Variants in SYTL2 observed in about 807,000 individuals in gnomAD.
SYTL2 encodes the protein synaptotagmin like 2, also known as synaptotagmin-like protein 2.
Under a neutral mutation model 198.7 loss-of-function variants are expected in SYTL2, and 165 were observed. The ratio of observed to expected loss-of-function variants is 0.83; its 90% CI spans 0.73 to 0.94. The LOEUF (loss-of-function observed/expected upper bound fraction) is 0.94. Ranked by LOEUF, SYTL2 falls within the 40% of genes least tolerant of loss-of-function variation. SYTL2 has a pLI of 0.00. For missense variants in SYTL2, 2,835 were observed against 2,582.8 expected (o/e 1.10, Z -2.12); for synonymous variants, 966 against 917.7 (o/e 1.05, Z -0.95).
intron 4 of SYTL2, among the ~76,000 whole-genome samples, chr11:85,739,843 T>A (rs1478349402): frequency 6.6e-6 from 1 of 152,196 alleles, no homozygotes; most frequent in Admixed American, 6.5e-5. Flanking sequence ...GGCTAGGCTA[T>A]ACTGCCTCTG....
chr11:85,745,802 G>T (rs2091117616), intron 3 of SYTL2, 30 bp from the exon 4 acceptor site: 2 of 1,591,536 alleles, frequency 1.3e-6, no homozygotes, highest in Non-Finnish European at 1.7e-6. Flanking sequence ...AGACAGGAAG[G>T]TTATCTCTCA....
intron 15 of SYTL2, among the ~76,000 whole-genome samples, chr11:85,705,672 A>C (rs1436119288): frequency 6.6e-6 from 1 of 152,232 alleles, no homozygotes; most frequent in Non-Finnish European, 1.5e-5. Flanking sequence ...ATAATCATGG[A>C]AAGGACAATA....
At position 85,726,057 on chromosome 11, in the gene SYTL2, G is replaced by T; in HGVS notation, c.3301C>A (p.Pro1101Thr). 3 of 1,613,020 alleles carry T rather than the reference G, an allele frequency of 1.9e-6. No homozygotes were observed. The highest frequency in any genetic ancestry group is 1.3e-5 in the African/African-American group (1 of 74,970). ...VEKNTEGIVT[P>T]VFKEEKDYSE... is the part of the protein sequence containing the mutation. ...TAATCCTTTTCTTCCTTAAACACTG[G>T]AGTAACAATCCCTTCCGTATTCTTT... is the stretch of plus-strand genomic sequence containing the variant. Residue 1101 changes from proline to threonine, a missense_variant, in exon 8 of 20, where the codon CCA becomes ACA. Pro to Thr is a conservative substitution (Grantham distance 38, BLOSUM62 -1). Transcript: ENST00000359152.
At position 85,724,114 on chromosome 11, in the gene SYTL2, C is replaced by T. The variant is rs146091453; in HGVS notation, c.5244G>A (p.Glu1748=). The change falls in exon 8 of 20, where the codon GAG becomes GAA. Residue 1748 remains glutamate, a synonymous_variant. Transcript: ENST00000359152. Reference sequence around the variant, plus strand: ...ACTCAGAGAAACCTTCTTTTTCTTCCTCTTTCTCTTGTTTCATATATGGCG... The same window carrying T: ...ACTCAGAGAAACCTTCTTTTTCTTCTTCTTTCTCTTGTTTCATATATGGCG... ...LASPYMKQEK[E]EEKEGFSESD... 2.9e-5 allele frequency: 46 copies of T among 1,584,678 alleles called. No homozygotes were observed. The African/African-American group carries it at 5.5e-4, about 19-fold the overall frequency.
rs980294895 is a variant in SYTL2 at position 85,718,729 on chromosome 11, T to C, written c.5482+61A>G. 19 of 1,532,090 alleles carry C rather than the reference T, an allele frequency of 1.2e-5. 1 individual carries two copies. In the South Asian group the frequency reaches 2.0e-4, roughly 16 times the overall value. 94.9% of individuals were successfully genotyped at this position (1,532,090 alleles called of 1,614,324 possible). Reference sequence around the variant, plus strand: ...TACCCAACAGCTGCGTCCCGGAGACTGCCCAAATCACCCCAGAAGTTAATA... The same window carrying C: ...TACCCAACAGCTGCGTCCCGGAGACCGCCCAAATCACCCCAGAAGTTAATA... On this transcript the variant is annotated intron_variant, in intron 10 of 19. Transcript: ENST00000359152.
intron 5 of SYTL2, 30 bp from the exon 6 acceptor site, chr11:85,736,645 T>C (rs1326469392): frequency 1.6e-6 from 2 of 1,244,608 alleles, no homozygotes; most frequent in East Asian, 2.3e-5. Context: ...ATTAAACTTA[T>C]TTTAAATGTC....
chr11:85,841,036 A>ACAC, the SYTL2 span, among the ~76,000 whole-genome samples: 1 of 152,216 alleles, frequency 6.6e-6, no homozygotes, highest in African/African-American at 2.4e-5. Flanking sequence ...ATATGAACAG[A>ACAC]CACTTCTCAA....
intron 1 of SYTL2, among the ~76,000 whole-genome samples, chr11:85,783,324 T>TTC (rs1173642463): frequency 6.6e-6 from 1 of 152,050 alleles, no homozygotes; most frequent in African/African-American, 2.4e-5. Flanking sequence ...ATCACTAGAA[T>TTC]AGCAGCATAG....
At chr11:85,850,807 A>C in the SYTL2 span, among the ~76,000 whole-genome samples, 9 of 150,642 alleles carry the variant, frequency 6.0e-5, no homozygotes, top group African/African-American at 2.2e-4. Context: ...CTGGATTAAG[A>C]AAATGTGGCA....
chr11:85,769,524 C>A (rs1023925871), intron 1 of SYTL2, among the ~76,000 whole-genome samples: 4 of 152,228 alleles, frequency 2.6e-5, no homozygotes, highest in Non-Finnish European at 2.9e-5. Context: ...AGATCCATTT[C>A]AGACTTCTGA....
chr11:85,729,275 A>G (rs1489040699), intron 7 of SYTL2, among the ~76,000 whole-genome samples: 1 of 152,232 alleles, frequency 6.6e-6, no homozygotes, highest in Non-Finnish European at 1.5e-5. Context: ...ACCCCAAATC[A>G]ACAGAATACA....
At chr11:85,771,897 T>C (rs1201312331) in intron 1 of SYTL2, among the ~76,000 whole-genome samples, 1 of 149,902 alleles carries the variant, frequency 6.7e-6, no homozygotes, top group African/African-American at 2.5e-5. Flanking sequence ...TATATAATTA[T>C]AGTTATATAT....
chr11:85,727,057 C>A lies in SYTL2; in HGVS notation c.2301G>T (p.Lys767Asn). The change falls in exon 8 of 20, where the codon AAG becomes AAT. Residue 767 changes from lysine to asparagine, a missense_variant. Around this residue, in one of 3 missense-constraint regions of SYTL2, gnomAD observed 2,645 missense variants for 2,381.7 expected, o/e 1.11. Transcript: ENST00000359152. ...CTTCTTGCTGGAATTGGACCTCAGG[C>A]TTCTTCCAAGGAGAGCCATTGTTGG... The part of the protein sequence containing the change: ...GVANNGSPWK[K>N]PEVQFQQEAG... The A allele has an allele frequency of 6.5e-7, 1 of 1,536,262 alleles. No individual in the cohort carries two copies. Among genetic ancestry groups the A allele is most frequent in the Non-Finnish European group, 8.7e-7 (1 of 1,146,914 alleles).
chr11:85,744,391 G>A (rs2091008931), intron 4 of SYTL2, among the ~76,000 whole-genome samples: 1 of 152,142 alleles, frequency 6.6e-6, no homozygotes, highest in Non-Finnish European at 1.5e-5. Flanking sequence ...CTATTAAGGT[G>A]TTTTATCCCC....
At chr11:85,816,366 T>C in the SYTL2 span, among the ~76,000 whole-genome samples, 1 of 152,094 alleles carries the variant, frequency 6.6e-6, no homozygotes, top group Non-Finnish European at 1.5e-5. Flanking sequence ...TTTTGTTTAA[T>C]GAAAAAAACA....
intron 8 of SYTL2, among the ~76,000 whole-genome samples, chr11:85,723,290 C>T (rs1477950221): frequency 6.6e-6 from 1 of 152,224 alleles, no homozygotes; most frequent in Non-Finnish European, 1.5e-5. Flanking sequence ...AGAAATGTAC[C>T]TGGCCAGGCA....
chr11:85,778,482 G>T (rs117964475), intron 1 of SYTL2, among the ~76,000 whole-genome samples: 5,696 of 152,320 alleles, frequency 0.037, 171 homozygotes, highest in East Asian at 0.098. Context: ...TGACCAAAGA[G>T]AAGCAGAGCT....
chr11:85,702,027 G>A (rs2084373152), intron 16 of SYTL2, among the ~76,000 whole-genome samples: 1 of 152,086 alleles, frequency 6.6e-6, no homozygotes, highest in African/African-American at 2.4e-5. Flanking sequence ...GACAAAACTT[G>A]GAGCCCACGG....
the SYTL2 span, among the ~76,000 whole-genome samples, chr11:85,826,960 C>A: frequency 6.6e-6 from 1 of 152,176 alleles, no homozygotes. Flanking sequence ...ACACCATAAC[C>A]CTGAGTGTTT....
Sources: gnomAD v4.1 joint callset for allele counts (sites outside exome capture counted in the v4.1 genomes callset) on GRCh38, gnomAD v4.1.1 for gene constraint, gnomAD v4.1.1 regional missense constraint, MANE v1.5 for transcripts, NCBI Gene and HGNC (gene_info 2026-07-23, HGNC 2026-07-21) for gene names.